CHCHD6: variants seen among roughly 807,000 people sequenced by gnomAD.
The protein encoded by CHCHD6 is MICOS complex subunit MIC25.
A neutral mutation model predicts 32.3 loss-of-function variants in CHCHD6; 28 were observed. The observed-to-expected ratio is 0.87, with a 90% CI of 0.64 to 1.19. The LOEUF (loss-of-function observed/expected upper bound fraction) is 1.19. CHCHD6 is among the 50% of genes most tolerant of loss of function. The pLI, the probability that CHCHD6 is intolerant of heterozygous loss-of-function variation, is 0.00. For missense variants in CHCHD6, 333 were observed against 307.0 expected (o/e 1.08, Z -0.63); for synonymous variants, 122 against 117.5 (o/e 1.04, Z -0.25).
chr3:126,750,884 G>C (rs943794698), intron 4 of CHCHD6, among the ~76,000 whole-genome samples: 1 of 152,244 alleles, frequency 6.6e-6, no homozygotes, highest in Non-Finnish European at 1.5e-5. Context: ...TCCAGGAACT[G>C]ACATCATGGC....
At chr3:126,764,185 A>G (rs1576386647) in intron 4 of CHCHD6, among the ~76,000 whole-genome samples, 1 of 134,410 alleles carries the variant, frequency 7.4e-6, no homozygotes, top group African/African-American at 2.8e-5. Context: ...ATACACATAC[A>G]TACATACATA....
chr3:126,929,525 C>T (rs13077852), intron 6 of CHCHD6, among the ~76,000 whole-genome samples: 88,008 of 151,820 alleles, frequency 0.58, 26,866 homozygotes, highest in Non-Finnish European at 0.68. Context: ...GCCCATAGAA[C>T]GATTATTTGA....
At chr3:126,756,128 A>G (rs1270300089) in intron 4 of CHCHD6, among the ~76,000 whole-genome samples, 1 of 152,048 alleles carries the variant, frequency 6.6e-6, no homozygotes, top group African/African-American at 2.4e-5. Flanking sequence ...GCTGGAACAC[A>G]GGACCGAGTT....
intron 4 of CHCHD6, among the ~76,000 whole-genome samples, chr3:126,849,097 G>A (rs529774530): frequency 6.6e-6 from 1 of 152,318 alleles, no homozygotes; most frequent in South Asian, 2.1e-4. Flanking sequence ...TAGCTTCCAG[G>A]CTTTCTAGGT....
intron 4 of CHCHD6, among the ~76,000 whole-genome samples, chr3:126,741,410 C>T (rs927605182): frequency 4.0e-5 from 6 of 151,424 alleles, no homozygotes; most frequent in East Asian, 1.9e-4. Context: ...GACTGGTTCT[C>T]TGGAGAGAGA....
chr3:126,762,620 C>G (rs1937204160), intron 4 of CHCHD6, among the ~76,000 whole-genome samples: 1 of 152,104 alleles, frequency 6.6e-6, no homozygotes, highest in African/African-American at 2.4e-5. Context: ...TTCAAGTCCT[C>G]TGTTTTCTTA....
chr3:126,766,374 G>A (rs1937370584), intron 4 of CHCHD6: 2 of 496,650 alleles, frequency 4.0e-6, no homozygotes, highest in Non-Finnish European at 3.7e-6. Flanking sequence ...TCCCATCCCA[G>A]TGCACATGGA....
chr3:126,879,079 G>A (rs191035460), intron 5 of CHCHD6, among the ~76,000 whole-genome samples: 133 of 152,322 alleles, frequency 8.7e-4, no homozygotes, highest in Non-Finnish European at 3.4e-4. Flanking sequence ...GCCTCTCTAG[G>A]CTTCCACATT....
At chr3:126,872,405 T>G (rs1019118705) in intron 5 of CHCHD6, among the ~76,000 whole-genome samples, 1 of 152,124 alleles carries the variant, frequency 6.6e-6, no homozygotes, top group Non-Finnish European at 1.5e-5. Flanking sequence ...GAGATCCTAT[T>G]TGGGGCAACT....
At chr3:126,792,177 G>C (rs1938577052) in intron 4 of CHCHD6, among the ~76,000 whole-genome samples, 1 of 150,882 alleles carries the variant, frequency 6.6e-6, no homozygotes, top group Non-Finnish European at 1.5e-5. Context: ...TGCTGTGAAT[G>C]TTGGTGTACA....
chr3:126,875,972 A>G (rs1337882817), intron 5 of CHCHD6, among the ~76,000 whole-genome samples: 1 of 152,216 alleles, frequency 6.6e-6, no homozygotes, highest in African/African-American at 2.4e-5. Flanking sequence ...TGATATGCTA[A>G]TGGCATCTAA....
intron 2 of CHCHD6, among the ~76,000 whole-genome samples, chr3:126,728,077 G>A (rs775286883): frequency 7.2e-5 from 11 of 152,034 alleles, no homozygotes; most frequent in African/African-American, 1.2e-4. Context: ...GCCTGGTCTC[G>A]CGTTACAGTT....
intron 5 of CHCHD6, among the ~76,000 whole-genome samples, chr3:126,907,359 G>A (rs904760389): frequency 3.9e-5 from 6 of 152,216 alleles, no homozygotes; most frequent in Non-Finnish European, 8.8e-5. Context: ...AGAACCAGAT[G>A]TGCAGCCACT....
chr3:126,889,033 G>T (rs1035594648), intron 5 of CHCHD6, among the ~76,000 whole-genome samples: 1 of 152,228 alleles, frequency 6.6e-6, no homozygotes, highest in African/African-American at 2.4e-5. Context: ...GGAGCCTCAG[G>T]AGAGTGGTGG....
intron 5 of CHCHD6, among the ~76,000 whole-genome samples, chr3:126,895,437 A>G (rs537011710): frequency 5.9e-5 from 9 of 152,292 alleles, no homozygotes; most frequent in Admixed American, 5.9e-4. Flanking sequence ...TTGCAGCAGG[A>G]GAAAAGAGGG....
In CHCHD6 at chr3:126,896,747, C is replaced by A. The variant is rs6770473; in HGVS notation, c.496-17933C>A. 6.1e-3 allele frequency among the ~76,000 whole-genome samples: 932 copies of A among 152,286 alleles called. 8 individuals carry two copies. Among genetic ancestry groups the A allele is most frequent in the African/African-American group, 0.021 (891 of 41,558 alleles). ...GACATGCTTCCCTAGATGTCAACCT[C>A]TGGAGGGGCAGGAGTGGGCTAGCAG... On this transcript the variant is annotated intron_variant, in intron 5 of 7. Coordinates refer to ENST00000290913, the MANE Select transcript of CHCHD6 (RefSeq NM_032343.3).
At chr3:126,748,100 C>T (rs1936576675) in intron 4 of CHCHD6, among the ~76,000 whole-genome samples, 2 of 152,098 alleles carry the variant, frequency 1.3e-5, no homozygotes, top group African/African-American at 4.8e-5. Flanking sequence ...GATCTAGCTC[C>T]TCCCCTCCTC....
chr3:126,761,886 G>A (rs867345252), intron 4 of CHCHD6, among the ~76,000 whole-genome samples: 6 of 152,164 alleles, frequency 3.9e-5, no homozygotes, highest in Admixed American at 2.0e-4. Flanking sequence ...GGTAATTTGT[G>A]TGTTTCTAAG....
chr3:126,856,995 G>C (rs115213657), intron 5 of CHCHD6, among the ~76,000 whole-genome samples: 1,543 of 152,312 alleles, frequency 0.01, 29 homozygotes, highest in African/African-American at 0.035. Context: ...GCAACCATCA[G>C]AGTACCTGAC....
Sources: allele counts gnomAD v4.1 joint callset (sites outside exome capture counted in the v4.1 genomes callset), GRCh38; gene constraint gnomAD v4.1.1; transcripts MANE v1.5; gene names NCBI Gene and HGNC (gene_info 2026-07-23, HGNC 2026-07-21).